CENPK: variants seen among roughly 807,000 people sequenced by gnomAD.
CENPK encodes centromere protein K.
In CENPK, 46 loss-of-function variants were observed where a neutral mutation model predicts 40.9. The ratio of observed to expected loss-of-function variants is 1.13; its 90% CI spans 0.89 to 1.44. The LOEUF (loss-of-function observed/expected upper bound fraction) is 1.44, where lower values mean the gene tolerates loss of function less well. Ranked by LOEUF, CENPK falls within the 40% of genes most tolerant of loss-of-function variation. The pLI, the probability that CENPK is intolerant of heterozygous loss-of-function variation, is 0.00. For missense variants in CENPK, 288 were observed against 303.5 expected (o/e 0.95, Z 0.38); for synonymous variants, 107 against 104.4 (o/e 1.02, Z -0.15).
At chr5:65,534,945 C>T (rs1408304167) in intron 6 of CENPK, among the ~76,000 whole-genome samples, 1 of 152,148 alleles carries the variant, frequency 6.6e-6, no homozygotes, top group African/African-American at 2.4e-5. Flanking sequence ...AAGTCGGGCA[C>T]CATGGCTCAT....
intron 6 of CENPK, among the ~76,000 whole-genome samples, chr5:65,531,005 A>T (rs567979380): frequency 6.6e-6 from 1 of 152,174 alleles, no homozygotes; most frequent in Non-Finnish European, 1.5e-5. Flanking sequence ...AGAAAGATAA[A>T]TCAAGGCCAA....
chr5:65,527,295 C>T (rs949232115), intron 9 of CENPK, among the ~76,000 whole-genome samples: 2 of 151,372 alleles, frequency 1.3e-5, no homozygotes, highest in Admixed American at 6.6e-5. Flanking sequence ...GGTGACATAG[C>T]TGAATGGATT....
intron 9 of CENPK, among the ~76,000 whole-genome samples, 176 bp downstream of exon 9, chr5:65,528,276 A>C (rs773577318): frequency 4.2e-5 from 6 of 143,342 alleles, no homozygotes; most frequent in Non-Finnish European, 7.5e-5. Context: ...ACATATACTT[A>C]ATCCCATTTT....
At chr5:65,526,282 A>G (rs2150362136) in intron 9 of CENPK, among the ~76,000 whole-genome samples, 1 of 152,358 alleles carries the variant, frequency 6.6e-6, no homozygotes, top group Admixed American at 6.5e-5. Context: ...GATTAAGGTC[A>G]TAAAGAGGCA....
intron 5 of CENPK, among the ~76,000 whole-genome samples, chr5:65,545,324 GCACACACACACACACACACA>G (rs869192025): frequency 3.5e-3 from 226 of 64,370 alleles, no homozygotes; most frequent in East Asian, 0.025. Flanking sequence ...CTCAAAGCGC[GCACACACACACACACACACA>G]CACACACACA....
At chr5:65,525,919 G>C (rs7722983) in intron 9 of CENPK, among the ~76,000 whole-genome samples, 61,819 of 151,884 alleles carry the variant, frequency 0.41, 12,932 homozygotes, top group East Asian at 0.65. Context: ...TCTACACTGT[G>C]AAACTTTTGT....
chr5:65,505,663 C>G, the CENPK span, among the ~76,000 whole-genome samples: 123 of 152,196 alleles, frequency 8.1e-4, no homozygotes, highest in African/African-American at 2.9e-3. Context: ...AAGCAAAAAC[C>G]TATGTCGTGT....
chr5:65,523,400 C>A (rs1580891449), intron 9 of CENPK, among the ~76,000 whole-genome samples: 1 of 152,136 alleles, frequency 6.6e-6, no homozygotes, highest in East Asian at 1.9e-4. Context: ...TATTACTTTC[C>A]TGATACCAGT....
At chr5:65,535,218 C>CAA (rs1228029042) in intron 6 of CENPK, among the ~76,000 whole-genome samples, 4 of 144,090 alleles carry the variant, frequency 2.8e-5, no homozygotes, top group Admixed American at 6.9e-5. Flanking sequence ...AGTGACAGAA[C>CAA]AAAACCCTGT....
At chr5:65,503,006 C>T in the CENPK span, among the ~76,000 whole-genome samples, 1 of 151,690 alleles carries the variant, frequency 6.6e-6, no homozygotes, top group Admixed American at 6.6e-5. Context: ...ACCACATTGG[C>T]CAGGTTGGTC....
chr5:65,562,395 G>T (rs1195294119), intron 1 of CENPK, among the ~76,000 whole-genome samples: 1 of 152,134 alleles, frequency 6.6e-6, no homozygotes, highest in Admixed American at 6.5e-5. Flanking sequence ...GGGAACCTTT[G>T]AAATAAAATA....
chr5:65,516,931 A>G (rs1325932070), downstream of CENPK, among the ~76,000 whole-genome samples: 2 of 152,054 alleles, frequency 1.3e-5, no homozygotes, highest in Non-Finnish European at 2.9e-5. Context: ...TAGGCATTGC[A>G]AGCATAAGGA....
chr5:65,538,663 T>C (rs1197327450), intron 6 of CENPK, among the ~76,000 whole-genome samples: 1 of 152,144 alleles, frequency 6.6e-6, no homozygotes, highest in Non-Finnish European at 1.5e-5. Context: ...GACAGAGCGA[T>C]GGAGGGAACT....
In CENPK at chr5:65,522,316, A is replaced by T. The variant is rs113000790; in HGVS notation, c.598-788T>A. On this transcript the variant is annotated intron_variant, in intron 9 of 10. Transcript: ENST00000396679. Reference sequence around the variant, plus strand: ...TTTCTTCCTTGGAACGACGAGAATAAATCTCATTCCAATTCTACCCAAGAG... The same window carrying T: ...TTTCTTCCTTGGAACGACGAGAATATATCTCATTCCAATTCTACCCAAGAG... Among the ~76,000 whole-genome samples, 552 of 152,312 alleles carry T rather than the reference A, an allele frequency of 3.6e-3. 4 individuals carry two copies. The highest frequency in any genetic ancestry group is 0.013 in the African/African-American group (529 of 41,570).
At chr5:65,508,784 T>G in the CENPK span, among the ~76,000 whole-genome samples, 1 of 87,890 alleles carries the variant, frequency 1.1e-5, no homozygotes, top group African/African-American at 5.1e-5. Flanking sequence ...CAAGACTCCA[T>G]CTAAAAAAAA....
intron 5 of CENPK, among the ~76,000 whole-genome samples, chr5:65,549,333 T>C (rs1240116556): frequency 9.9e-5 from 15 of 152,172 alleles, no homozygotes; most frequent in Non-Finnish European, 4.4e-5. Flanking sequence ...CAGAGTAGAT[T>C]TGGTATAATT....
At chr5:65,498,585 TTC>T in the CENPK span, among the ~76,000 whole-genome samples, 1 of 151,756 alleles carries the variant, frequency 6.6e-6, no homozygotes, top group Non-Finnish European at 1.5e-5. Flanking sequence ...TATATCTTCC[TTC>T]TCTTTCTTTT....
chr5:65,508,485 A>G, the CENPK span, among the ~76,000 whole-genome samples: 1 of 152,226 alleles, frequency 6.6e-6, no homozygotes, highest in Non-Finnish European at 1.5e-5. Context: ...ATACACGAAC[A>G]TAAAAGTTAA....
Position 65,529,112 on chromosome 5 carries a change from C to T in CENPK, c.371+5G>A, listed in dbSNP as rs984249753. On this transcript the variant is annotated splice_donor_5th_base_variant and intron_variant, in intron 7 of 10. Transcript: ENST00000396679. ...TGATTAATAGTAATTGTAACATAAACAAACCTTTCTAAGTCTTCCTTTAAC... is the reference window on the plus strand; with the variant it reads ...TGATTAATAGTAATTGTAACATAAATAAACCTTTCTAAGTCTTCCTTTAAC... 6.3e-7 allele frequency: 1 copy of T among 1,594,996 alleles called. No individual in the cohort carries two copies. The highest frequency in any genetic ancestry group is 8.6e-7 in the Non-Finnish European group (1 of 1,164,848).
Sources: gnomAD v4.1 joint callset for allele counts (sites outside exome capture counted in the v4.1 genomes callset) on GRCh38, gnomAD v4.1.1 for gene constraint, MANE v1.5 for transcripts, NCBI Gene and HGNC (gene_info 2026-07-23, HGNC 2026-07-21) for gene names.